The following RFX7 variants were observed in gnomAD, a reference collection of about 807,000 sequenced individuals.
RFX7 encodes DNA-binding protein RFX7.
A neutral mutation model predicts 111.8 loss-of-function variants in RFX7; 26 were observed. The ratio of observed to expected loss-of-function variants is 0.23; its 90% CI spans 0.17 to 0.32. The LOEUF (loss-of-function observed/expected upper bound fraction) is 0.32, where lower values mean the gene tolerates loss of function less well. Ranked by LOEUF, RFX7 falls within the 10% of genes least tolerant of loss-of-function variation. The pLI is 1.00. For missense variants in RFX7, 1,573 were observed against 1,772.9 expected (o/e 0.89, Z 2.02); for synonymous variants, 624 against 624.4 (o/e 1.00, Z 0.01).
At chr15:56,234,016 A>T (rs1311849057) in intron 2 of RFX7, among the ~76,000 whole-genome samples, 2 of 152,156 alleles carry the variant, frequency 1.3e-5, no homozygotes, top group African/African-American at 4.8e-5. Context: ...TCTGCTAGTG[A>T]GATTAACAAT....
At chr15:56,157,725 G>A (rs1014534342) in intron 3 of RFX7, among the ~76,000 whole-genome samples, 3 of 152,152 alleles carry the variant, frequency 2.0e-5, no homozygotes, top group Admixed American at 6.5e-5. Flanking sequence ...GATTATAGGC[G>A]TGTGCCACCA....
intron 3 of RFX7, among the ~76,000 whole-genome samples, chr15:56,162,054 AGGTGGGGATG>A (rs1405929923): frequency 3.9e-5 from 6 of 152,086 alleles, no homozygotes; most frequent in Non-Finnish European, 8.8e-5. Context: ...TTCTACTAGC[AGGTGGGGATG>A]GGTGGTGGTA....
At chr15:56,241,996 T>C (rs1820792848) in intron 2 of RFX7, among the ~76,000 whole-genome samples, 1 of 152,202 alleles carries the variant, frequency 6.6e-6, no homozygotes, top group African/African-American at 2.4e-5. Flanking sequence ...TATTTAAAAA[T>C]TGTCACTTTA....
intron 2 of RFX7, among the ~76,000 whole-genome samples, chr15:56,218,318 G>A (rs1324526944): frequency 6.6e-6 from 1 of 151,772 alleles, no homozygotes; most frequent in African/African-American, 2.4e-5. Flanking sequence ...TTTTAGTAGA[G>A]ATGGGGTTAC....
intron 5 of RFX7, 47 bp from the exon 6 acceptor site, chr15:56,103,717 A>G (rs1415637220): frequency 1.8e-6 from 2 of 1,137,338 alleles, no homozygotes; most frequent in South Asian, 1.4e-5. Flanking sequence ...ATTCAGAATT[A>G]TATCGCAGGG....
At chr15:56,178,767 C>A (rs1336701701) in intron 3 of RFX7, among the ~76,000 whole-genome samples, 2 of 152,130 alleles carry the variant, frequency 1.3e-5, no homozygotes, top group African/African-American at 4.8e-5. Context: ...GGCAACCCCA[C>A]AAAAACTAAT....
chr15:56,201,186 C>T (rs1319335166), intron 2 of RFX7, among the ~76,000 whole-genome samples: 1 of 152,116 alleles, frequency 6.6e-6, no homozygotes, highest in Non-Finnish European at 1.5e-5. Context: ...TAAGACATGA[C>T]TTATTACTCT....
intron 3 of RFX7, among the ~76,000 whole-genome samples, chr15:56,149,069 C>T (rs576655329): frequency 4.9e-5 from 7 of 141,458 alleles, no homozygotes; most frequent in South Asian, 2.3e-4. Context: ...AGCGACAGAG[C>T]GAGACTCCGT....
At chr15:56,122,868 G>A (rs1028048901) in intron 5 of RFX7, among the ~76,000 whole-genome samples, 5 of 152,040 alleles carry the variant, frequency 3.3e-5, no homozygotes, top group African/African-American at 1.2e-4. Context: ...AGGCCCAAGG[G>A]CTCTCCAGTC....
intron 5 of RFX7, among the ~76,000 whole-genome samples, chr15:56,123,772 G>C (rs2042107109): frequency 6.6e-6 from 1 of 152,170 alleles, no homozygotes; most frequent in Non-Finnish European, 1.5e-5. Context: ...TTCCTTTCTG[G>C]CTAGGGCTGG....
intron 2 of RFX7, among the ~76,000 whole-genome samples, chr15:56,195,590 T>C (rs1198352627): frequency 6.6e-6 from 1 of 152,122 alleles, no homozygotes; most frequent in African/African-American, 2.4e-5. Flanking sequence ...CTACTTTTCA[T>C]GAAAGGAAAT....
chr15:56,153,556 C>T (rs1422432696), intron 3 of RFX7, among the ~76,000 whole-genome samples: 1 of 152,188 alleles, frequency 6.6e-6, no homozygotes, highest in East Asian at 1.9e-4. Flanking sequence ...ATATGATTAT[C>T]TCAATAGATG....
intron 2 of RFX7, among the ~76,000 whole-genome samples, chr15:56,195,280 A>G (rs755529804): frequency 2.0e-5 from 3 of 152,146 alleles, no homozygotes; most frequent in South Asian, 2.1e-4. Context: ...TGCTTAATGC[A>G]TATTCCTTTT....
intron 2 of RFX7, among the ~76,000 whole-genome samples, chr15:56,205,198 G>T (rs2043237675): frequency 6.6e-6 from 1 of 152,166 alleles, no homozygotes; most frequent in Non-Finnish European, 1.5e-5. Context: ...GAAGTTGTGA[G>T]TAACACTTTA....
chr15:56,231,137 A>G (rs1161784470), intron 2 of RFX7, among the ~76,000 whole-genome samples: 1 of 152,244 alleles, frequency 6.6e-6, no homozygotes, highest in African/African-American at 2.4e-5. Context: ...GTGAATAGCA[A>G]GAAGGCTTAT....
chr15:56,225,810 A>C (rs887237889), intron 2 of RFX7, among the ~76,000 whole-genome samples: 2 of 152,196 alleles, frequency 1.3e-5, no homozygotes, highest in African/African-American at 2.4e-5. Flanking sequence ...ATTTTGTAAT[A>C]ATATTTTTAT....
At position 56,175,366 on chromosome 15, in the gene RFX7, T is replaced by C. The variant is rs576530002; in HGVS notation, c.195+3904A>G. 6.6e-5 allele frequency among the ~76,000 whole-genome samples: 10 copies of C among 152,296 alleles called. No homozygotes were observed. In the East Asian group the frequency reaches 1.5e-3, roughly 23 times the overall value. ...ATTGTGTCCAAATTGATCTATAAAT[T>C]TGATGTAATCCCAATAAAAATCCAA... On this transcript the variant is annotated intron_variant, in intron 3 of 9. Coordinates refer to ENST00000559447, the MANE Select transcript of RFX7 (RefSeq NM_022841.7).
In RFX7 at chr15:56,155,153, TAAG is replaced by T. The variant is rs760766426; in HGVS notation, c.196-10673_196-10671del. 5.9e-5 allele frequency among the ~76,000 whole-genome samples: 9 copies of T among 152,138 alleles called. No homozygotes were observed. In the East Asian group the frequency reaches 1.5e-3, roughly 26 times the overall value. On this transcript the variant is annotated intron_variant, in intron 3 of 9. Transcript: ENST00000559447. The stretch of plus-strand genomic sequence containing the variant: ...AGATTCTGGAGAGGTTGTGGAAAAA[TAAG>T]AACGCTTTTACAGTGTTGGTGGGAG...
At chr15:56,172,298 CTT>C (rs1230012551) in intron 3 of RFX7, among the ~76,000 whole-genome samples, 9 of 152,062 alleles carry the variant, frequency 5.9e-5, no homozygotes, top group African/African-American at 2.2e-4. Context: ...TTTGACTAAA[CTT>C]TGACTTTCTT....
Sources: allele counts gnomAD v4.1 joint callset (sites outside exome capture counted in the v4.1 genomes callset), GRCh38; gene constraint gnomAD v4.1.1; transcripts MANE v1.5; gene names NCBI Gene and HGNC (gene_info 2026-07-23, HGNC 2026-07-21).